CLCN4: variants seen among roughly 807,000 people sequenced by gnomAD.
CLCN4 encodes Cl-/H+ antiporter 4, also known as H(+)/Cl(-) exchange transporter 4.
In CLCN4, 1 loss-of-function variant was observed where a neutral mutation model predicts 41.7. The ratio of observed to expected loss-of-function variants is 0.02; its 90% CI spans 0.01 to 0.11. The LOEUF is 0.11. Ranked by LOEUF, CLCN4 falls within the 10% of genes least tolerant of loss-of-function variation. CLCN4 has a pLI of 1.00. For synonymous variants in CLCN4, 277 were observed against 285.8 expected (o/e 0.97, Z 0.31); for missense variants, 287 against 661.0 (o/e 0.43, Z 6.20).
chrX:10,200,105 C>G (rs1602152921), intron 6 of CLCN4, among the ~76,000 whole-genome samples: 1 of 111,739 alleles, frequency 8.9e-6, no homozygotes, highest in Admixed American at 9.4e-5. Flanking sequence ...ATTGCCCGGG[C>G]TGGTCTCAAA....
chrX:10,229,155 C>T (rs976628673), intron 12 of CLCN4, among the ~76,000 whole-genome samples: 10 of 110,978 alleles, frequency 9.0e-5, no homozygotes, highest in African/African-American at 1.3e-4. Context: ...TTGCTGCTAC[C>T]GCATGGGAGG....
chrX:10,210,785 C>A (rs1436991236), intron 9 of CLCN4, among the ~76,000 whole-genome samples: 1 of 104,606 alleles, frequency 9.6e-6, no homozygotes, highest in Admixed American at 1.0e-4. Flanking sequence ...CCCACTGGGA[C>A]TACAGACACG....
chrX:10,203,830 A>C (rs1924303093), intron 6 of CLCN4, among the ~76,000 whole-genome samples: 1 of 111,852 alleles, frequency 8.9e-6, no homozygotes, highest in African/African-American at 3.3e-5. Flanking sequence ...TGTAGTAGCT[A>C]TTTGAGAAAC....
chrX:10,228,080 G>A lies in CLCN4; in HGVS notation c.2193-5414G>A, dbSNP rs760605739. ...CCAGCACCTCAAGCATTTATCCTTC[G>A]GGTTACAAACATTCCAATTCTTTTA... On this transcript the variant is annotated intron_variant, in intron 12 of 12. Transcript: ENST00000380833. Among the ~76,000 whole-genome samples, 6 of 109,787 alleles carry A rather than the reference G, an allele frequency of 5.5e-5. No individual in the cohort carries two copies. The East Asian group carries it at 8.5e-4, about 16-fold the overall frequency.
In CLCN4 at chrX:10,181,803, C is replaced by G. The variant is rs143759336; in HGVS notation, c.-11-3219C>G. 1.7e-3 allele frequency among the ~76,000 whole-genome samples: 193 copies of G among 111,890 alleles called. 1 individual carries two copies. Among genetic ancestry groups the G allele is most frequent in the African/African-American group, 6.0e-3 (185 of 30,759 alleles). The stretch of plus-strand genomic sequence containing the variant: ...GATCCCTGTTCTGAGAGCGAGCTGA[C>G]CCATTCAGAGTCACTTTTAACATCA... On this transcript the variant is annotated intron_variant, in intron 2 of 12. Coordinates refer to ENST00000380833, the MANE Select transcript of CLCN4 (RefSeq NM_001830.4).
chrX:10,165,900 G>A (rs1452933852), intron 2 of CLCN4, among the ~76,000 whole-genome samples: 1 of 111,910 alleles, frequency 8.9e-6, no homozygotes. Context: ...TCACCGTGGC[G>A]TCCCGGGCCA....
At chrX:10,196,843 T>C (rs764133798) in intron 5 of CLCN4, among the ~76,000 whole-genome samples, 1 of 112,392 alleles carries the variant, frequency 8.9e-6, no homozygotes, top group East Asian at 2.8e-4. Context: ...TTCAGCTGTT[T>C]TTAAGATTTA....
intron 12 of CLCN4, among the ~76,000 whole-genome samples, chrX:10,232,251 T>C (rs777742923): frequency 4.6e-4 from 51 of 112,061 alleles, no homozygotes; most frequent in Non-Finnish European, 9.2e-4. Flanking sequence ...GGCCTGACAG[T>C]TTGAATAATC....
At chrX:10,161,993 C>CCCTTCAGG (rs1923118698) in intron 2 of CLCN4, among the ~76,000 whole-genome samples, 1 of 105,137 alleles carries the variant, frequency 9.5e-6, no homozygotes, top group Non-Finnish European at 1.9e-5. Context: ...CGGAGGCAGA[C>CCCTTCAGG]CCTTCAGGCC....
chrX:10,224,711 A>G (rs1314170928), intron 12 of CLCN4, among the ~76,000 whole-genome samples: 1 of 111,800 alleles, frequency 8.9e-6, no homozygotes, highest in African/African-American at 3.3e-5. Context: ...AGGTAGCCCC[A>G]TATGCATTAG....
intron 2 of CLCN4, among the ~76,000 whole-genome samples, chrX:10,167,432 C>T (rs1306971179): frequency 8.9e-6 from 1 of 112,391 alleles, no homozygotes; most frequent in African/African-American, 3.2e-5. Context: ...TTGGAGCCAG[C>T]CTCCAAGATG....
intron 6 of CLCN4, among the ~76,000 whole-genome samples, chrX:10,198,567 C>T (rs979826292): frequency 1.8e-5 from 2 of 112,333 alleles, no homozygotes; most frequent in Non-Finnish European, 3.8e-5. Flanking sequence ...AAGCTAATAG[C>T]AATCTTTTAA....
rs1925182300 is a variant in CLCN4, at chrX:10,233,812, A to G, written c.*228A>G. The stretch of plus-strand genomic sequence containing the variant: ...GTATGAGTTTCAAGCTGTGTTTCCT[A>G]ATGAGTTTGCTACTGCTGTGGGGGC... On this transcript the variant is annotated 3_prime_UTR_variant, in exon 13 of 13. Transcript: ENST00000380833. 5.4e-6 allele frequency: 2 copies of G among 372,721 alleles called. No individual in the cohort carries two copies. The highest frequency in any genetic ancestry group is 9.5e-6 in the Non-Finnish European group (2 of 210,650). 30.7% of individuals were successfully genotyped at this position (372,721 alleles called of 1,213,427 possible).
intron 12 of CLCN4, among the ~76,000 whole-genome samples, chrX:10,228,583 G>A (rs550758384): frequency 3.6e-5 from 4 of 111,645 alleles, no homozygotes; most frequent in African/African-American, 1.3e-4. Flanking sequence ...AAATACAGAG[G>A]ATATGGGGCC....
chrX:10,184,992 A>G, intron 2 of CLCN4, 30 bp from the exon 3 acceptor site: 1 of 1,160,557 alleles, frequency 8.6e-7, no homozygotes, highest in Non-Finnish European at 1.2e-6. Context: ...TGTCCTGCTC[A>G]TGTCTTTAAC....
At chrX:10,198,631 C>T (rs771919778) in intron 6 of CLCN4, among the ~76,000 whole-genome samples, 5 of 111,796 alleles carry the variant, frequency 4.5e-5, no homozygotes, top group Admixed American at 9.5e-5. Context: ...CCGTGAATTT[C>T]GAGTTCTTAT....
intron 4 of CLCN4, among the ~76,000 whole-genome samples, chrX:10,192,244 T>TACACACACACAC (rs56033729): frequency 0.011 from 1,153 of 100,477 alleles, 17 homozygotes; most frequent in African/African-American, 0.036. Flanking sequence ...CTAGTGGAAG[T>TACACACACACAC]ACACACACAC....
chrX:10,204,923 C>A lies in CLCN4; in HGVS notation c.556-1435C>A, dbSNP rs748480605. ...TGGGAGCCTTCATAAGGAGTGAAGA[C>A]CCAAAGATGAAGTTAGGGTTGAATA... On this transcript the variant is annotated intron_variant, in intron 6 of 12. Coordinates refer to ENST00000380833, the MANE Select transcript of CLCN4 (RefSeq NM_001830.4). Among the ~76,000 whole-genome samples, 175 of 110,513 alleles carry A rather than the reference C, an allele frequency of 1.6e-3. 1 individual carries two copies. The highest frequency in any genetic ancestry group is 5.6e-3 in the African/African-American group (169 of 30,439).
chrX:10,232,639 G>A (rs1925154844), intron 12 of CLCN4, among the ~76,000 whole-genome samples: 1 of 111,947 alleles, frequency 8.9e-6, no homozygotes, highest in African/African-American at 3.2e-5. Flanking sequence ...GGGACATGAT[G>A]TGTTCCTGCA....
Sources: gnomAD v4.1 joint callset for allele counts (sites outside exome capture counted in the v4.1 genomes callset) on GRCh38, gnomAD v4.1.1 for gene constraint, MANE v1.5 for transcripts, NCBI Gene and HGNC (gene_info 2026-07-23, HGNC 2026-07-21) for gene names.